Variants in DENND11 observed in about 807,000 individuals in gnomAD.
DENND11 encodes the protein DENN domain containing 11.
A neutral mutation model predicts 49.2 loss-of-function variants in DENND11; 34 were observed. The ratio of observed to expected loss-of-function variants is 0.69; its 90% CI spans 0.53 to 0.92. DENND11 has a LOEUF of 0.92. DENND11 is among the 40% of genes least tolerant of loss of function. DENND11 has a pLI of 0.00. For synonymous variants in DENND11, 238 were observed against 230.3 expected, an observed-to-expected ratio of 1.03 and a Z score of -0.30; for missense variants, 475 against 581.6, an observed-to-expected ratio of 0.82 and a Z score of 1.88.
At chr7:141,670,482 T>A (rs1402621917) in intron 4 of DENND11, among the ~76,000 whole-genome samples, 1 of 152,254 alleles carries the variant, frequency 6.6e-6, no homozygotes, top group East Asian at 1.9e-4. Context: ...ATAACAACTA[T>A]GTGCGTAGCA....
intron 1 of DENND11, among the ~76,000 whole-genome samples, chr7:141,700,968 C>A (rs1212656478): frequency 6.6e-6 from 1 of 152,114 alleles, no homozygotes; most frequent in African/African-American, 2.4e-5. Context: ...TCCTTAAGCC[C>A]TGACACCACG....
chr7:141,681,202 T>C (rs1050012579), intron 3 of DENND11, among the ~76,000 whole-genome samples: 2 of 152,204 alleles, frequency 1.3e-5, no homozygotes, highest in Non-Finnish European at 2.9e-5. Context: ...CTGGTGTGTG[T>C]TGACTGCCCC....
chr7:141,673,970 C>T, intron 4 of DENND11, 97 bp downstream of exon 4: 3 of 1,408,568 alleles, frequency 2.1e-6, no homozygotes, highest in Non-Finnish European at 2.9e-6. Flanking sequence ...TTGTATGATC[C>T]AAAGACATAA....
At chr7:141,679,692 A>T (rs1389736993) in intron 3 of DENND11, among the ~76,000 whole-genome samples, 1 of 151,586 alleles carries the variant, frequency 6.6e-6, no homozygotes, top group Admixed American at 6.6e-5. Flanking sequence ...AGCCTGGGAC[A>T]CAAGAGCGAA....
At chr7:141,686,000 G>C (rs1798237067) in intron 2 of DENND11, among the ~76,000 whole-genome samples, 1 of 152,200 alleles carries the variant, frequency 6.6e-6, no homozygotes, top group African/African-American at 2.4e-5. Context: ...AAACCACAGT[G>C]ATTCTTCCCT....
intron 4 of DENND11, among the ~76,000 whole-genome samples, chr7:141,669,656 GAT>G (rs907266079): frequency 2.7e-5 from 4 of 150,246 alleles, no homozygotes; most frequent in Admixed American, 6.6e-5. Context: ...AAAGCTTAAA[GAT>G]ATATATATAT....
At chr7:141,681,310 G>C (rs1798143447) in intron 3 of DENND11, among the ~76,000 whole-genome samples, 1 of 152,124 alleles carries the variant, frequency 6.6e-6, no homozygotes, top group Admixed American at 6.5e-5. Flanking sequence ...GCCTACTAAG[G>C]GTCATGTGTT....
At chr7:141,685,416 G>A (rs979068936) in intron 3 of DENND11, 62 bp downstream of exon 3, 20 of 1,584,768 alleles carry the variant, frequency 1.3e-5, no homozygotes, top group Admixed American at 1.0e-4. Flanking sequence ...CCGAGGGCTC[G>A]TGCCATATGC....
At chr7:141,666,470 G>C in intron 4 of DENND11, 45 bp from the exon 5 acceptor site, 1 of 1,495,536 alleles carries the variant, frequency 6.7e-7, no homozygotes, top group South Asian at 1.4e-5. Flanking sequence ...GTGAGGAACA[G>C]CTTCTTAGAA....
intron 4 of DENND11, 74 bp from the exon 5 acceptor site, chr7:141,666,499 A>C: frequency 7.3e-7 from 1 of 1,364,560 alleles, no homozygotes; most frequent in Non-Finnish European, 9.8e-7. Flanking sequence ...AAAGGTATCT[A>C]ATCTCCTTCT....
rs1350796555 is a variant in DENND11, at chr7:141,660,842, T to C, written c.*1814A>G. The C allele has an allele frequency of 6.6e-6, 1 of 151,946 alleles. No homozygotes were observed. Among genetic ancestry groups the C allele is most frequent in the Admixed American group, 6.6e-5 (1 of 15,238 alleles). The allele number at this position is 151,946 out of a possible 1,614,324, so 9.4% of individuals were successfully genotyped here. ...TGAGGCTTCAACCTCGAAACACAGA[T>C]TTTTTTTTCTTTTGTAAACATACAC... On this transcript the variant is annotated 3_prime_UTR_variant, in exon 9 of 9. Coordinates refer to ENST00000536163, the MANE Select transcript of DENND11 (RefSeq NM_001080392.2).
At chr7:141,679,178 A>G (rs1355054477) in intron 3 of DENND11, among the ~76,000 whole-genome samples, 1 of 152,202 alleles carries the variant, frequency 6.6e-6, no homozygotes, top group Non-Finnish European at 1.5e-5. Flanking sequence ...TCTTTTCCTC[A>G]TACTCTGTCA....
At chr7:141,678,567 C>T (rs1798103064) in intron 3 of DENND11, among the ~76,000 whole-genome samples, 1 of 152,124 alleles carries the variant, frequency 6.6e-6, no homozygotes, top group African/African-American at 2.4e-5. Context: ...ATATTTGATC[C>T]ATATGGTTAT....
At position 141,665,220 on chromosome 7, in the gene DENND11, C is replaced by T. The variant is rs757377201; in HGVS notation, c.919G>A (p.Glu307Lys). 1.7e-5 allele frequency: 28 copies of T among 1,613,050 alleles called. 1 individual carries two copies. Among genetic ancestry groups the T allele is most frequent in the South Asian group, 3.3e-5 (3 of 90,828 alleles). The change falls in exon 6 of 9, where the codon GAG becomes AAG. Residue 307 changes from glutamate to lysine, a missense_variant. Physicochemically the swap from Glu to Lys is moderately conservative, Grantham distance 56. Transcript: ENST00000536163. The stretch of plus-strand genomic sequence containing the variant: ...TAGGACACCTCTACCTCCAGGCTCT[C>T]GATGTCAGCCACGTTCACGTAGAAG... ...PFFYVNVADI[E>K]SLEVEVSYVA...
intron 1 of DENND11, among the ~76,000 whole-genome samples, chr7:141,688,545 C>T (rs1439411220): frequency 1.3e-5 from 2 of 152,162 alleles, no homozygotes; most frequent in South Asian, 2.1e-4. Flanking sequence ...AAGCAGAAAG[C>T]CTCGAACAAT....
chr7:141,688,219 A>C (rs1798274863), intron 1 of DENND11, among the ~76,000 whole-genome samples: 3 of 152,234 alleles, frequency 2.0e-5, no homozygotes, highest in African/African-American at 7.2e-5. Context: ...AAGGGTTTAA[A>C]GCAAAACACT....
At chr7:141,662,886 G>C (rs550383875) in intron 8 of DENND11, 35 bp from the exon 9 acceptor site, 4 of 1,457,508 alleles carry the variant, frequency 2.7e-6, no homozygotes, top group East Asian at 2.5e-5. Flanking sequence ...GAAAGGAAGC[G>C]GGGGGGAATA....
chr7:141,683,907 T>C, intron 3 of DENND11, among the ~76,000 whole-genome samples: 1 of 152,334 alleles, frequency 6.6e-6, no homozygotes, highest in Non-Finnish European at 1.5e-5. Context: ...TGCTTGATGG[T>C]AAAATTCAAC....
chr7:141,686,511 G>C (rs1437141626), intron 2 of DENND11, 48 bp downstream of exon 2: 1 of 1,206,436 alleles, frequency 8.3e-7, no homozygotes, highest in Non-Finnish European at 1.2e-6. Context: ...GGAAAGTGTG[G>C]AGGTGGGGGG....
Sources: allele counts gnomAD v4.1 joint callset (sites outside exome capture counted in the v4.1 genomes callset), GRCh38; gene constraint gnomAD v4.1.1; transcripts MANE v1.5; gene names NCBI Gene and HGNC (gene_info 2026-07-23, HGNC 2026-07-21).